KCTD1: variants seen among roughly 807,000 people sequenced by gnomAD.
KCTD1 encodes the protein potassium channel tetramerization domain containing 1, also known as BTB/POZ domain-containing protein KCTD1.
In KCTD1, 24 loss-of-function variants were observed where a neutral mutation model predicts 66.0. The observed-to-expected ratio is 0.36, with a 90% CI of 0.26 to 0.51. KCTD1 has a LOEUF of 0.51. KCTD1 is among the 20% of genes least tolerant of loss of function. KCTD1 has a pLI of 0.95. For missense variants in KCTD1, 943 were observed against 1,205.2 expected, an observed-to-expected ratio of 0.78 and a Z score of 3.22; for synonymous variants, 511 against 517.2, an observed-to-expected ratio of 0.99 and a Z score of 0.16.
intron 1 of KCTD1, among the ~76,000 whole-genome samples, chr18:26,506,171 C>T (rs913321610): frequency 2.6e-5 from 4 of 152,158 alleles, no homozygotes; most frequent in Admixed American, 6.5e-5. Context: ...TGTTAGCCAC[C>T]GCGCCCAGCC....
intron 1 of KCTD1, among the ~76,000 whole-genome samples, chr18:26,626,603 G>T (rs1420601306): frequency 1.3e-5 from 2 of 151,730 alleles, no homozygotes; most frequent in African/African-American, 4.8e-5. Context: ...GCTCCTGAGG[G>T]GCTGGGACCA....
At chr18:26,646,302 C>T (rs1054291378) in intron 1 of KCTD1, among the ~76,000 whole-genome samples, 1 of 152,096 alleles carries the variant, frequency 6.6e-6, no homozygotes, top group Non-Finnish European at 1.5e-5. Flanking sequence ...GAAAGAGAAA[C>T]GGATTTGAAA....
intron 1 of KCTD1, among the ~76,000 whole-genome samples, chr18:26,520,518 G>C (rs117021963): frequency 1.5e-3 from 235 of 152,286 alleles, no homozygotes; most frequent in East Asian, 5.6e-3. Flanking sequence ...AGACAATTTA[G>C]AGATTTAGTT....
At chr18:26,586,857 A>G (rs1391418489) in intron 1 of KCTD1, among the ~76,000 whole-genome samples, 1 of 152,240 alleles carries the variant, frequency 6.6e-6, no homozygotes, top group Non-Finnish European at 1.5e-5. Context: ...CTGTAGAAGA[A>G]AAGTTTGAAG....
At chr18:26,557,739 T>G (rs916640471) in intron 1 of KCTD1, among the ~76,000 whole-genome samples, 1 of 149,470 alleles carries the variant, frequency 6.7e-6, no homozygotes, top group African/African-American at 2.5e-5. Context: ...CACTTGAAAA[T>G]TGAATGCAAG....
intron 2 of KCTD1, among the ~76,000 whole-genome samples, chr18:26,478,160 T>C (rs1981443828): frequency 6.6e-6 from 1 of 152,228 alleles, no homozygotes; most frequent in Non-Finnish European, 1.5e-5. Flanking sequence ...CTTAATAACA[T>C]GATAAATTTC....
intron 1 of KCTD1, among the ~76,000 whole-genome samples, chr18:26,512,704 C>A (rs9945300): frequency 6.6e-6 from 1 of 151,924 alleles, no homozygotes; most frequent in African/African-American, 2.4e-5. Flanking sequence ...TTTTTGGCCG[C>A]ATGAGGTGGC....
intron 1 of KCTD1, among the ~76,000 whole-genome samples, chr18:26,614,335 C>T (rs983927274): frequency 2.6e-5 from 4 of 152,230 alleles, no homozygotes; most frequent in African/African-American, 9.6e-5. Context: ...CCCCGAATTC[C>T]AAGAAGCTCA....
intron 1 of KCTD1, among the ~76,000 whole-genome samples, chr18:26,635,383 C>A (rs1987702438): frequency 6.6e-6 from 1 of 152,244 alleles, no homozygotes; most frequent in South Asian, 2.1e-4. Flanking sequence ...CAGGCATATT[C>A]TTGCTACTGG....
chr18:26,534,877 A>G (rs911090495), intron 1 of KCTD1, among the ~76,000 whole-genome samples: 2 of 151,984 alleles, frequency 1.3e-5, no homozygotes, highest in Non-Finnish European at 2.9e-5. Context: ...ACTTTTTTCT[A>G]CTGTCTTTTC....
rs73401483 is a variant in KCTD1, at chr18:26,566,074, C to A, written c.-16+63073G>T. 326 of 152,218 alleles carry A rather than the reference C, an allele frequency of 2.1e-3. 1 individual carries two copies. The highest frequency in any genetic ancestry group is 7.6e-3 in the African/African-American group (314 of 41,524). The allele number at this position is 152,218 out of a possible 1,614,324, so 9.4% of individuals were successfully genotyped here. The stretch of plus-strand genomic sequence containing the variant: ...TGTATCCAGGCATTATGTTCAGTGC[C>A]TAACACAGACCCTAGCACACAGTAG... On this transcript the variant is annotated intron_variant, in intron 1 of 4. Transcript: ENST00000317932.
chr18:26,604,960 T>C (rs1331479542), intron 1 of KCTD1, among the ~76,000 whole-genome samples: 1 of 152,178 alleles, frequency 6.6e-6, no homozygotes, highest in Non-Finnish European at 1.5e-5. Flanking sequence ...GTGACTTTAT[T>C]ACCTCTTTAG....
intron 1 of KCTD1, among the ~76,000 whole-genome samples, chr18:26,655,063 T>C (rs929378652): frequency 6.6e-5 from 10 of 152,254 alleles, no homozygotes; most frequent in African/African-American, 1.9e-4. Flanking sequence ...TTCCCATATA[T>C]GTAGGTGAAT....
At chr18:26,545,761 GA>G (rs1426959475) in intron 1 of KCTD1, 3 of 151,974 alleles carry the variant, frequency 2.0e-5, no homozygotes, top group Non-Finnish European at 4.4e-5. Flanking sequence ...TAATACTCAC[GA>G]AAATACTACC....
At chr18:26,616,462 C>CACAT (rs1555647317) in intron 1 of KCTD1, among the ~76,000 whole-genome samples, 1 of 147,520 alleles carries the variant, frequency 6.8e-6, no homozygotes, top group African/African-American at 2.5e-5. Flanking sequence ...CCCTTACATA[C>CACAT]ATATATATAT....
At chr18:26,618,899 T>C (rs1987314084) in intron 1 of KCTD1, among the ~76,000 whole-genome samples, 1 of 152,236 alleles carries the variant, frequency 6.6e-6, no homozygotes, top group East Asian at 1.9e-4. Flanking sequence ...AAATCATCTG[T>C]CCCAGTGTTT....
rs1166992507 is a variant in KCTD1 at position 26,501,247 on chromosome 18, T to C, written c.1813A>G (p.Ser605Gly). Residue 605 changes from serine to glycine, a missense_variant, in exon 2 of 5, where the codon AGT (serine) becomes GGT (glycine). Ser to Gly is a moderately conservative substitution (Grantham distance 56). This residue lies in a region of KCTD1 where 197 missense variants were observed against 182.7 expected (regional missense o/e 1.08). Transcript: ENST00000580059. ...SPAIVSPTQD[S>G]RPNMSRPLIT... ...AGAGGTCTTGACATATTGGGCCGACTGTCCTACAGAGAGATAAGCAAGTTT... is the reference window on the plus strand; with the variant it reads ...AGAGGTCTTGACATATTGGGCCGACCGTCCTACAGAGAGATAAGCAAGTTT... 4 of 1,613,626 alleles carry C rather than the reference T, an allele frequency of 2.5e-6. No homozygotes were observed. Among genetic ancestry groups the C allele is most frequent in the East Asian group, 2.2e-5 (1 of 44,878 alleles).
chr18:26,571,361 A>T (rs1986102039), intron 1 of KCTD1, among the ~76,000 whole-genome samples: 1 of 151,018 alleles, frequency 6.6e-6, no homozygotes, highest in East Asian at 1.9e-4. Context: ...ATTGCAATTT[A>T]AAAAAATACC....
chr18:26,631,543 G>A (rs754057632), upstream of KCTD1, among the ~76,000 whole-genome samples: 5 of 152,188 alleles, frequency 3.3e-5, no homozygotes, highest in Non-Finnish European at 5.9e-5. Context: ...GTCATTGACT[G>A]AAGCATCATT....
Sources: allele counts gnomAD v4.1 joint callset (sites outside exome capture counted in the v4.1 genomes callset), GRCh38; gene constraint gnomAD v4.1.1; regional missense constraint gnomAD v4.1.1; transcripts MANE v1.5; gene names NCBI Gene and HGNC (gene_info 2026-07-23, HGNC 2026-07-21).